Variants in SFXN1 observed in about 807,000 individuals in gnomAD.
SFXN1 encodes sideroflexin 1, also known as sideroflexin-1.
In SFXN1, 32 loss-of-function variants were observed where a neutral mutation model predicts 39.5. The ratio of observed to expected loss-of-function variants is 0.81; its 90% CI spans 0.61 to 1.09. SFXN1 has a LOEUF of 1.09. Among genes scored for constraint, SFXN1 ranks in the 50% least tolerant of loss-of-function variants. SFXN1 has a pLI of 0.00. For missense variants in SFXN1, 402 were observed against 407.1 expected (o/e 0.99, Z 0.11); for synonymous variants, 136 against 146.5 (o/e 0.93, Z 0.52).
chr5:175,499,479 C>T (rs2113300209), intron 2 of SFXN1, among the ~76,000 whole-genome samples: 1 of 152,236 alleles, frequency 6.6e-6, no homozygotes, highest in Admixed American at 6.5e-5. Context: ...ATAAGCAGAA[C>T]TCAAGTGGAG....
At chr5:175,490,765 G>A (rs1759625270) in intron 1 of SFXN1, among the ~76,000 whole-genome samples, 1 of 151,994 alleles carries the variant, frequency 6.6e-6, no homozygotes. Flanking sequence ...ATGTCATGGT[G>A]AAAAACCAAA....
At chr5:175,480,918 G>T (rs1205634037) in intron 1 of SFXN1, among the ~76,000 whole-genome samples, 1 of 152,186 alleles carries the variant, frequency 6.6e-6, no homozygotes, top group African/African-American at 2.4e-5. Context: ...TTTTTAAAAA[G>T]GGGGGAACAA....
intron 2 of SFXN1, among the ~76,000 whole-genome samples, chr5:175,506,340 C>T (rs751406032): frequency 5.3e-5 from 8 of 151,830 alleles, no homozygotes; most frequent in Non-Finnish European, 8.8e-5. Context: ...ATAAAATACG[C>T]GTACAAATTA....
chr5:175,509,105 C>T lies in SFXN1; in HGVS notation c.238C>T (p.His80Tyr). ...AAAGTACATCTATGATTCAGCTTTT[C>T]ATCCTGACACTGGTGAGAAGATGAT... ...RAKYIYDSAF[H>Y]PDTGEKMILI... Residue 80 changes from histidine to tyrosine, a missense_variant, in exon 3 of 11, where the codon CAT becomes TAT. His to Tyr is a moderately conservative substitution (Grantham distance 83). Coordinates refer to ENST00000321442, the MANE Select transcript of SFXN1 (RefSeq NM_022754.7). 5 of 1,613,972 alleles carry T rather than the reference C, an allele frequency of 3.1e-6. No individual in the cohort carries two copies. The highest frequency in any genetic ancestry group is 4.2e-6 in the Non-Finnish European group (5 of 1,179,960).
chr5:175,526,442 T>C (rs1761062865), intron 10 of SFXN1, among the ~76,000 whole-genome samples, 196 bp from the exon 11 acceptor site: 1 of 152,198 alleles, frequency 6.6e-6, no homozygotes, highest in South Asian at 2.1e-4. Flanking sequence ...GGTTCTCCAG[T>C]GCATTTCTTT....
chr5:175,493,126 G>A (rs988195864), intron 2 of SFXN1, among the ~76,000 whole-genome samples: 48 of 152,130 alleles, frequency 3.2e-4, no homozygotes, highest in Admixed American at 9.8e-4. Context: ...GGTGGCGGGC[G>A]CCTGTAGTCC....
Position 175,492,174 on chromosome 5 carries a change from G to A in SFXN1, c.71G>A (p.Arg24Gln), listed in dbSNP as rs753116034. The part of the protein sequence containing the change: ...PRWDQSTFIG[R>Q]ANHFFTVTDP... ...TGGGATCAAAGCACTTTCATTGGACGAGCCAATCATTTCTTCACTGTAACT... is the reference window on the plus strand; with the variant it reads ...TGGGATCAAAGCACTTTCATTGGACAAGCCAATCATTTCTTCACTGTAACT... The change falls in exon 2 of 11, where the codon CGA (arginine) becomes CAA (glutamine). Residue 24 changes from arginine to glutamine, a missense_variant. Coordinates refer to ENST00000321442, the MANE Select transcript of SFXN1 (RefSeq NM_022754.7). 38 of 1,613,972 alleles carry A rather than the reference G, an allele frequency of 2.4e-5. No homozygotes were observed. Among genetic ancestry groups the A allele is most frequent in the Non-Finnish European group, 3.1e-5 (37 of 1,179,964 alleles).
At chr5:175,518,746 A>C (rs940374917) in intron 8 of SFXN1, among the ~76,000 whole-genome samples, 1 of 152,202 alleles carries the variant, frequency 6.6e-6, no homozygotes, top group Non-Finnish European at 1.5e-5. Context: ...ACCATATATA[A>C]AAATTAGCTC....
At chr5:175,492,034 T>TAG in intron 1 of SFXN1, 61 bp from the exon 2 acceptor site, 1 of 1,326,218 alleles carries the variant, frequency 7.5e-7, no homozygotes, top group Non-Finnish European at 1.0e-6. Context: ...GACTGTAAAG[T>TAG]TTCTAAATAC....
rs1043799827 is a variant in SFXN1, at chr5:175,528,769, G to A, written c.*2035G>A. On this transcript the variant is annotated 3_prime_UTR_variant, in exon 11 of 11. Transcript: ENST00000321442. ...GTTTTCCCATGACATTCTGGCCTTG[G>A]ACAGATTCTGTTGTCCTCGACGCGT... The A allele has an allele frequency of 6.6e-6, 1 of 152,132 alleles. No individual in the cohort carries two copies. Among genetic ancestry groups the A allele is most frequent in the African/African-American group, 2.4e-5 (1 of 41,400 alleles). The allele number at this position is 152,132 out of a possible 1,614,324, so 9.4% of individuals were successfully genotyped here. A position where few individuals can be genotyped will look rare whatever the true frequency, so the allele number is the denominator to read the frequency against.
intron 2 of SFXN1, among the ~76,000 whole-genome samples, chr5:175,508,658 A>T (rs1415134537): frequency 1.3e-5 from 2 of 148,894 alleles, no homozygotes; most frequent in Non-Finnish European, 3.0e-5. Flanking sequence ...TTTTTTTTTG[A>T]GACAGAGTCT....
chr5:175,506,337 A>G (rs929277626), intron 2 of SFXN1, among the ~76,000 whole-genome samples: 1 of 152,230 alleles, frequency 6.6e-6, no homozygotes, highest in African/African-American at 2.4e-5. Context: ...TGTATAAAAT[A>G]CGCGTACAAA....
chr5:175,504,003 C>CAAAAA (rs56776430), intron 2 of SFXN1, among the ~76,000 whole-genome samples: 8,008 of 51,670 alleles, frequency 0.15, 429 homozygotes, highest in East Asian at 0.26. Context: ...CACTCCATCT[C>CAAAAA]AAAAAAAAAA....
chr5:175,485,283 G>A (rs1460981078), intron 1 of SFXN1, among the ~76,000 whole-genome samples: 1 of 152,194 alleles, frequency 6.6e-6, no homozygotes, highest in Non-Finnish European at 1.5e-5. Context: ...ACATATTTGA[G>A]TAGCTTAAAG....
At chr5:175,493,171 T>C (rs1759722385) in intron 2 of SFXN1, among the ~76,000 whole-genome samples, 1 of 151,732 alleles carries the variant, frequency 6.6e-6, no homozygotes, top group South Asian at 2.1e-4. Context: ...GAGAATGGCA[T>C]GAAGCCAGGA....
rs1235217040 is a variant in SFXN1 at position 175,529,608 on chromosome 5, GGAT to G, written c.*2881_*2883del. Reference sequence around the variant, plus strand: ...AATATTTCTATTAACATGATACAAAGGATGATGATTGTAAGTGTTTACTGACTG... The same window carrying G: ...AATATTTCTATTAACATGATACAAAGGATGATTGTAAGTGTTTACTGACTG... On this transcript the variant is annotated 3_prime_UTR_variant, in exon 11 of 11. Coordinates refer to ENST00000321442, the MANE Select transcript of SFXN1 (RefSeq NM_022754.7). 5 of 152,184 alleles carry G rather than the reference GGAT, an allele frequency of 3.3e-5. No homozygotes were observed. Among genetic ancestry groups the G allele is most frequent in the African/African-American group, 1.2e-4 (5 of 41,438 alleles). 9.4% of individuals were successfully genotyped at this position (152,184 alleles called of 1,614,324 possible).
intron 2 of SFXN1, among the ~76,000 whole-genome samples, chr5:175,501,193 C>T (rs571410758): frequency 8.6e-5 from 13 of 151,562 alleles, no homozygotes; most frequent in Non-Finnish European, 1.8e-4. Context: ...CTAAGCCTCC[C>T]GAGTAGCTAG....
chr5:175,514,586 G>GTA (rs1471491821), intron 7 of SFXN1, among the ~76,000 whole-genome samples: 3 of 152,330 alleles, frequency 2.0e-5, no homozygotes, highest in African/African-American at 7.2e-5. Flanking sequence ...CTCCAATGAA[G>GTA]TATACTTCAT....
chr5:175,499,221 C>T (rs909688700), intron 2 of SFXN1, among the ~76,000 whole-genome samples: 1 of 151,514 alleles, frequency 6.6e-6, no homozygotes, highest in Non-Finnish European at 1.5e-5. Context: ...CACCACTGCA[C>T]TCCAGCCTGG....
Sources: gnomAD v4.1 joint callset for allele counts (sites outside exome capture counted in the v4.1 genomes callset) on GRCh38, gnomAD v4.1.1 for gene constraint, MANE v1.5 for transcripts, NCBI Gene and HGNC (gene_info 2026-07-23, HGNC 2026-07-21) for gene names.